PHACTR1: variants seen among roughly 807,000 people sequenced by gnomAD.
PHACTR1 encodes RPEL repeat containing 1.
Under a neutral mutation model 69.2 loss-of-function variants are expected in PHACTR1, and 16 were observed. The observed-to-expected ratio is 0.23, with a 90% CI of 0.16 to 0.35. The LOEUF (loss-of-function observed/expected upper bound fraction) is 0.35. PHACTR1 is among the 10% of genes least tolerant of loss of function. PHACTR1 has a pLI of 1.00. For missense variants in PHACTR1, 510 were observed against 734.7 expected (o/e 0.69, Z 3.54); for synonymous variants, 312 against 284.5 (o/e 1.10, Z -0.97).
chr6:13,247,928 A>C (rs1773818906), intron 10 of PHACTR1, among the ~76,000 whole-genome samples: 1 of 152,218 alleles, frequency 6.6e-6, no homozygotes, highest in South Asian at 2.1e-4. Flanking sequence ...AATTTGGTTC[A>C]ACCAATGAAT....
chr6:12,999,113 C>G (rs1469638371), intron 4 of PHACTR1, among the ~76,000 whole-genome samples: 1 of 152,132 alleles, frequency 6.6e-6, no homozygotes, highest in East Asian at 1.9e-4. Context: ...TTAGAGAAAC[C>G]TTTGCACAAG....
rs150160578 is a variant in PHACTR1 at position 13,070,446 on chromosome 6, C to T, written c.415+16917C>T. 4.0e-3 allele frequency among the ~76,000 whole-genome samples: 612 copies of T among 152,206 alleles called. 3 individuals carry two copies. Among genetic ancestry groups the T allele is most frequent in the African/African-American group, 0.014 (585 of 41,528 alleles). On this transcript the variant is annotated intron_variant, in intron 5 of 14. Coordinates refer to ENST00000332995, the MANE Select transcript of PHACTR1 (RefSeq NM_030948.6). ...CTCTGAGGCAGTTACTTAGTTATGCCTAATACCTGTTTGATAGGTGAGGGT... is the reference window on the plus strand; with the variant it reads ...CTCTGAGGCAGTTACTTAGTTATGCTTAATACCTGTTTGATAGGTGAGGGT...
At chr6:12,972,337 T>G (rs1794313285) in intron 4 of PHACTR1, among the ~76,000 whole-genome samples, 1 of 152,200 alleles carries the variant, frequency 6.6e-6, no homozygotes, top group Non-Finnish European at 1.5e-5. Flanking sequence ...GTTGAACTGT[T>G]TGGTAGATTG....
chr6:12,915,577 A>G (rs1786898282), intron 4 of PHACTR1, among the ~76,000 whole-genome samples: 6 of 151,602 alleles, frequency 4.0e-5, no homozygotes. Context: ...TCCCTCCAGT[A>G]CCCTCCATGG....
rs1041080217 is a variant in PHACTR1, at chr6:12,918,497, T to A, written c.251-134868T>A. Among the ~76,000 whole-genome samples the A allele has an allele frequency of 3.3e-5, 5 of 152,240 alleles. 1 individual carries two copies. The highest frequency in any genetic ancestry group is 2.6e-4 in the Admixed American group (4 of 15,286). ...GCATTTATAATCGTGTTTGTTGACA[T>A]TACTTCTGTTGTCGTACATAAAATT... On this transcript the variant is annotated intron_variant, in intron 4 of 14. Coordinates refer to ENST00000332995, the MANE Select transcript of PHACTR1 (RefSeq NM_030948.6).
chr6:13,032,364 T>C (rs1302386084), intron 4 of PHACTR1, among the ~76,000 whole-genome samples: 1 of 152,222 alleles, frequency 6.6e-6, no homozygotes, highest in Non-Finnish European at 1.5e-5. Flanking sequence ...CACTTTATTT[T>C]ATAGCATTTT....
Position 13,206,032 on chromosome 6 carries a change from G to C in PHACTR1, c.882G>C (p.Gln294His), listed in dbSNP as rs766899555. The C allele has an allele frequency of 6.2e-7, 1 of 1,613,918 alleles. No homozygotes were observed. The highest frequency in any genetic ancestry group is 1.7e-5 in the Admixed American group (1 of 60,024). The change falls in exon 8 of 15, where the codon CAG (glutamine) becomes CAC (histidine). Residue 294 changes from glutamine (Q) to histidine (H), a missense_variant. Gln to His is a conservative substitution (Grantham distance 24). Coordinates refer to ENST00000332995, the MANE Select transcript of PHACTR1 (RefSeq NM_030948.6). ...QHQLQYGSHG[Q>H]HLPSTTGSLP... ...AGCTGCAGTACGGCAGCCACGGCCA[G>C]CACCTCCCCTCCACCACCGGCTCCC...
intron 7 of PHACTR1, among the ~76,000 whole-genome samples, chr6:13,183,118 T>A (rs574845903): frequency 2.6e-5 from 4 of 152,338 alleles, no homozygotes; most frequent in African/African-American, 7.2e-5. Flanking sequence ...TTACTGGATA[T>A]AGTCAATTAA....
chr6:12,898,535 C>G (rs564045703), intron 4 of PHACTR1, among the ~76,000 whole-genome samples: 6 of 152,348 alleles, frequency 3.9e-5, no homozygotes, highest in Non-Finnish European at 7.3e-5. Context: ...ATGGCCAACT[C>G]CTGTCAAATC....
At chr6:12,722,084 G>A (rs1185190090) in intron 3 of PHACTR1, among the ~76,000 whole-genome samples, 2 of 152,246 alleles carry the variant, frequency 1.3e-5, no homozygotes, top group Admixed American at 6.5e-5. Context: ...GTAAGGCCAA[G>A]TAGCCCCAAT....
intron 4 of PHACTR1, among the ~76,000 whole-genome samples, chr6:12,757,885 G>A (rs1212357954): frequency 1.3e-5 from 2 of 152,138 alleles, no homozygotes. Context: ...GCCAAGGTGG[G>A]CGGATCACCT....
chr6:12,829,126 A>G (rs754588849), intron 4 of PHACTR1, among the ~76,000 whole-genome samples: 4 of 152,224 alleles, frequency 2.6e-5, no homozygotes, highest in Non-Finnish European at 4.4e-5. Context: ...AAACCAAAAC[A>G]AAACAACAAC....
chr6:13,196,420 CTTT>C, intron 7 of PHACTR1: 2 of 135,692 alleles, frequency 1.5e-5, no homozygotes, highest in Admixed American at 7.4e-5. Flanking sequence ...GGTTTTCTTT[CTTT>C]TTTTTTTTGT....
chr6:12,797,040 T>TGTGTGTGTGTGTGAGAGA (rs563796658), intron 4 of PHACTR1, among the ~76,000 whole-genome samples: 38 of 133,392 alleles, frequency 2.8e-4, no homozygotes, highest in African/African-American at 9.8e-4. Context: ...TGTGTGTGTG[T>TGTGTGTGTGTGTGAGAGA]GAGAGAGAGA....
chr6:12,828,597 A>G (rs1046618802), intron 4 of PHACTR1, among the ~76,000 whole-genome samples: 2 of 152,142 alleles, frequency 1.3e-5, no homozygotes, highest in Non-Finnish European at 2.9e-5. Context: ...GTTACATGAG[A>G]ATTTGACTGT....
At chr6:12,864,642 T>C (rs1001587909) in intron 4 of PHACTR1, among the ~76,000 whole-genome samples, 2 of 150,108 alleles carry the variant, frequency 1.3e-5, no homozygotes, top group African/African-American at 4.9e-5. Flanking sequence ...ATTGCGCCAC[T>C]GAACTCCAGC....
At chr6:12,987,954 A>T (rs940876723) in intron 4 of PHACTR1, among the ~76,000 whole-genome samples, 2 of 152,172 alleles carry the variant, frequency 1.3e-5, no homozygotes, top group African/African-American at 4.8e-5. Flanking sequence ...CTTGTGCTAG[A>T]TGGGACTAAC....
At chr6:13,286,976 GA>G (rs1781814453) in intron 14 of PHACTR1, 86 bp from the exon 15 acceptor site, 1 of 1,444,070 alleles carries the variant, frequency 6.9e-7, no homozygotes, top group African/African-American at 1.4e-5. Context: ...TCACGGTCAA[GA>G]ACCTCCCTGA....
At chr6:13,163,976 C>A (rs948767307) in intron 6 of PHACTR1, among the ~76,000 whole-genome samples, 1 of 152,036 alleles carries the variant, frequency 6.6e-6, no homozygotes, top group Non-Finnish European at 1.5e-5. Context: ...CTTTTATGTG[C>A]CTCACCCTAG....
Sources: gnomAD v4.1 joint callset for allele counts (sites outside exome capture counted in the v4.1 genomes callset) on GRCh38, gnomAD v4.1.1 for gene constraint, MANE v1.5 for transcripts, NCBI Gene and HGNC (gene_info 2026-07-23, HGNC 2026-07-21) for gene names.